Variants in CARHSP1 observed in about 807,000 individuals in gnomAD.
CARHSP1 encodes calcium-regulated heat-stable protein 1.
Under a neutral mutation model 12.5 loss-of-function variants are expected in CARHSP1, and 14 were observed. The ratio of observed to expected loss-of-function variants is 1.12; its 90% CI spans 0.74 to 1.75. CARHSP1 has a LOEUF of 1.75. Among genes scored for constraint, CARHSP1 ranks in the 40% most tolerant of loss-of-function variants. The pLI, the probability that CARHSP1 is intolerant of heterozygous loss-of-function variation, is 0.00. For synonymous variants in CARHSP1, 161 were observed against 82.0 expected (o/e 1.96, Z -5.20); for missense variants, 343 against 201.6 (o/e 1.70, Z -4.25).
intron 1 of CARHSP1, chr16:8,860,224 A>C (rs1677487): frequency 2.0e-6 from 2 of 985,210 alleles, no homozygotes; most frequent in Non-Finnish European, 2.4e-6. Flanking sequence ...GCCTGCTGCG[A>C]GAGCCCAAAG....
At position 8,854,864 on chromosome 16, in the gene CARHSP1, C is replaced by T. The variant is rs2061045651; in HGVS notation, c.*300G>A. 4.0e-6 allele frequency: 1 copy of T among 249,462 alleles called. No homozygotes were observed. The highest frequency in any genetic ancestry group is 7.6e-6 in the Non-Finnish European group (1 of 131,016). The allele number at this position is 249,462 out of a possible 1,614,324, so 15.5% of individuals were successfully genotyped here. On this transcript the variant is annotated 3_prime_UTR_variant, in exon 4 of 4. Transcript: ENST00000311052. ...CTGGAGAAATACCACCCTTGATCCACTCCCTGGGATGGGGTTGGAACCTCC... is the reference window on the plus strand; with the variant it reads ...CTGGAGAAATACCACCCTTGATCCATTCCCTGGGATGGGGTTGGAACCTCC...
chr16:8,854,023 G>T lies in CARHSP1; in HGVS notation c.*1141C>A, dbSNP rs2061019129. On this transcript the variant is annotated 3_prime_UTR_variant, in exon 4 of 4. Coordinates refer to ENST00000311052, the MANE Select transcript of CARHSP1 (RefSeq NM_014316.4). ...GCCAGAACCCTGGAGGGCAGAGGTT[G>T]CAGTAAGCTGAGATCGGGCCACTGC... 6.6e-6 allele frequency: 1 copy of T among 152,194 alleles called. No individual in the cohort carries two copies. Among genetic ancestry groups the T allele is most frequent in the South Asian group, 2.1e-4 (1 of 4,826 alleles). 9.4% of individuals were successfully genotyped at this position (152,194 alleles called of 1,614,324 possible).
At chr16:8,855,363 C>T (rs2231708) in intron 3 of CARHSP1, 37 bp from the exon 4 acceptor site, 89,486 of 1,449,746 alleles carry the variant, frequency 0.062, 3,102 homozygotes, top group Middle Eastern at 0.074. Context: ...GGGCTCACAC[C>T]GGGACACAGC....
chr16:8,865,205 G>T (rs190902722), intron 1 of CARHSP1, among the ~76,000 whole-genome samples: 2 of 152,148 alleles, frequency 1.3e-5, no homozygotes, highest in African/African-American at 4.8e-5. Context: ...CGCCCCCCAG[G>T]TTCAAGCGAT....
chr16:8,854,453 C>T lies in CARHSP1; in HGVS notation c.*711G>A, dbSNP rs948443688. ...CCAGAAGGCAGATGAAAAGGTCAGG[C>T]TCTAAGAGGGGTTCAGCCTCCCAGT... On this transcript the variant is annotated 3_prime_UTR_variant, in exon 4 of 4. Coordinates refer to ENST00000311052, the MANE Select transcript of CARHSP1 (RefSeq NM_014316.4). 1.3e-5 allele frequency: 2 copies of T among 152,662 alleles called. No homozygotes were observed. The highest frequency in any genetic ancestry group is 4.8e-5 in the African/African-American group (2 of 41,452). The allele number at this position is 152,662 out of a possible 1,614,324, so 9.5% of individuals were successfully genotyped here. A position where few individuals can be genotyped will look rare whatever the true frequency, so the allele number is the denominator to read the frequency against.
intron 3 of CARHSP1, 36 bp from the exon 4 acceptor site, chr16:8,855,362 C>T (rs375416828): frequency 1.6e-5 from 24 of 1,458,720 alleles, no homozygotes; most frequent in Admixed American, 2.1e-5. Flanking sequence ...AGGGCTCACA[C>T]CGGGACACAG....
chr16:8,858,121 G>A (rs547619760), intron 3 of CARHSP1: 101 of 567,390 alleles, frequency 1.8e-4, no homozygotes, highest in African/African-American at 1.6e-3. Context: ...CACAAGTACC[G>A]TGTCGCCCCC....
At chr16:8,857,268 T>G (rs890476726) in intron 3 of CARHSP1, among the ~76,000 whole-genome samples, 26 of 20,288 alleles carry the variant, frequency 1.3e-3, no homozygotes, top group African/African-American at 3.6e-3. Context: ...GATCTGTTTT[T>G]TTTTTTTTTT....
Position 8,858,461 on chromosome 16 carries a change from G to A in CARHSP1, c.170C>T (p.Ala57Val), listed in dbSNP as rs1470158242. The A allele has an allele frequency of 1.2e-6, 2 of 1,613,684 alleles. No individual in the cohort carries two copies. The highest frequency in any genetic ancestry group is 1.1e-5 in the South Asian group (1 of 91,080). Residue 57 changes from alanine (A) to valine (V), a missense_variant, in exon 3 of 4, where the codon GCT becomes GTT. Transcript: ENST00000311052. ...TCCTTTGTAGACGGGGCCCTGTGAA[G>A]CCCGCACCGTCCTGACAGAGAGGGG... ...RTRTFSATVRASQGPVYKGVC... is the reference protein window; with the variant it reads ...RTRTFSATVRVSQGPVYKGVC...
intron 2 of CARHSP1, 48 bp downstream of exon 2, chr16:8,859,123 G>C (rs535195255): frequency 6.6e-7 from 1 of 1,516,402 alleles, no homozygotes; most frequent in East Asian, 2.4e-5. Context: ...TCTGGCCTCA[G>C]GCAAGAGATC....
intron 3 of CARHSP1, chr16:8,858,138 A>C: frequency 1.7e-6 from 1 of 596,712 alleles, no homozygotes; most frequent in East Asian, 2.9e-5. Context: ...CCCCAGCCTC[A>C]CATCCCCCAA....
intron 3 of CARHSP1, chr16:8,858,001 G>A (rs536966283): frequency 7.2e-5 from 17 of 235,058 alleles, no homozygotes; most frequent in Non-Finnish European, 1.4e-4. Flanking sequence ...CTGACCTCGT[G>A]ATCCACCCAC....
chr16:8,860,265 G>C (rs2061309899), intron 1 of CARHSP1: 9 of 982,236 alleles, frequency 9.2e-6, no homozygotes, highest in South Asian at 9.4e-5. Context: ...GCTGCATCCA[G>C]CTCCATCAGG....
chr16:8,857,263 G>GTTTTTTGTTTTT (rs1315960023), intron 3 of CARHSP1, among the ~76,000 whole-genome samples: 33 of 57,030 alleles, frequency 5.8e-4, no homozygotes, highest in African/African-American at 7.3e-4. Flanking sequence ...GGGCAGATCT[G>GTTTTTTGTTTTT]TTTTTTTTTT....
chr16:8,868,066 G>T (rs1316902374), intron 1 of CARHSP1: 1 of 152,314 alleles, frequency 6.6e-6, no homozygotes, highest in Non-Finnish European at 1.5e-5. Flanking sequence ...CCGGCACGGG[G>T]CTAGCTGCCT....
In CARHSP1 at chr16:8,854,855, C is replaced by G. The variant is rs527342363; in HGVS notation, c.*309G>C. The stretch of plus-strand genomic sequence containing the variant: ...TCTGAGCAGCTGGAGAAATACCACC[C>G]TTGATCCACTCCCTGGGATGGGGTT... On this transcript the variant is annotated 3_prime_UTR_variant, in exon 4 of 4. Transcript: ENST00000311052. 3.9e-5 allele frequency: 9 copies of G among 232,132 alleles called. No individual in the cohort carries two copies. The South Asian group carries it at 1.1e-3, about 27-fold the overall frequency. The allele number at this position is 232,132 out of a possible 1,614,324, so 14.4% of individuals were successfully genotyped here.
chr16:8,855,295 C>T lies in CARHSP1; in HGVS notation c.313G>A (p.Asp105Asn), dbSNP rs760222054. 187 of 1,609,244 alleles carry T rather than the reference C, an allele frequency of 1.2e-4. No homozygotes were observed. Among genetic ancestry groups the T allele is most frequent in the Admixed American group, 3.7e-4 (22 of 59,654 alleles). The change falls in exon 4 of 4, where the codon GAC (aspartate) becomes AAC (asparagine). Residue 105 changes from aspartate (D) to asparagine (N), a missense_variant. Asp to Asn is a conservative substitution (Grantham distance 23, BLOSUM62 1). Coordinates refer to ENST00000311052, the MANE Select transcript of CARHSP1 (RefSeq NM_014316.4). The part of the protein sequence containing the change: ...VEGEYVPVEG[D>N]EVTYKMCSIP... ...GAGCACATTTTATAGGTGACCTCGT[C>T]GCCTTCCACTGGGACATACTCCCCT...
chr16:8,866,532 C>G lies in CARHSP1; in HGVS notation c.-8+2434G>C, dbSNP rs779379259. On this transcript the variant is annotated intron_variant, in intron 1 of 3. Coordinates refer to ENST00000311052, the MANE Select transcript of CARHSP1 (RefSeq NM_014316.4). Reference sequence around the variant, plus strand: ...CTGGGAGAACTGCCGGCACGTGGGCCGAGAGGCGGGGCGGGTCAGCTGAGC... The same window carrying G: ...CTGGGAGAACTGCCGGCACGTGGGCGGAGAGGCGGGGCGGGTCAGCTGAGC... 2,117 of 931,508 alleles carry G rather than the reference C, an allele frequency of 2.3e-3. 1 individual carries two copies. Among genetic ancestry groups the G allele is most frequent in the Non-Finnish European group, 2.6e-3 (2,045 of 780,894 alleles). 57.7% of individuals were successfully genotyped at this position (931,508 alleles called of 1,614,324 possible).
At chr16:8,863,227 TCCGC>T (rs931131083) in intron 1 of CARHSP1, among the ~76,000 whole-genome samples, 1 of 147,824 alleles carries the variant, frequency 6.8e-6, no homozygotes, top group African/African-American at 2.5e-5. Flanking sequence ...GCTCAGGTGA[TCCGC>T]CCACCCCAGC....
Sources: allele counts gnomAD v4.1 joint callset (sites outside exome capture counted in the v4.1 genomes callset), GRCh38; gene constraint gnomAD v4.1.1; transcripts MANE v1.5; gene names NCBI Gene and HGNC (gene_info 2026-07-23, HGNC 2026-07-21).